The following PLXDC2 variants were observed in gnomAD, a reference collection of about 807,000 sequenced individuals.
PLXDC2 encodes plexin domain containing 2.
In PLXDC2, 40 loss-of-function variants were observed where a neutral mutation model predicts 68.9. That is an observed-to-expected ratio of 0.58 (90% CI 0.45 to 0.76). The LOEUF (loss-of-function observed/expected upper bound fraction) is 0.76, where lower values mean the gene tolerates loss of function less well. PLXDC2 is among the 30% of genes least tolerant of loss of function. The pLI, the probability that PLXDC2 is intolerant of heterozygous loss-of-function variation, is 0.00. For synonymous variants in PLXDC2, 243 were observed against 234.2 expected, an observed-to-expected ratio of 1.04 and a Z score of -0.34; for missense variants, 644 against 661.9, an observed-to-expected ratio of 0.97 and a Z score of 0.30.
intron 1 of PLXDC2, among the ~76,000 whole-genome samples, chr10:19,983,712 A>T (rs186096509): frequency 1.3e-5 from 2 of 152,240 alleles, no homozygotes; most frequent in East Asian, 3.9e-4. Context: ...GGTCCCTCCT[A>T]TAACCTTGCT....
rs892217947 is a variant in PLXDC2, at chr10:19,817,006, G to C, written c.-74G>C. The C allele has an allele frequency of 6.2e-6, 7 of 1,120,200 alleles. No individual in the cohort carries two copies. The African/African-American group carries it at 1.1e-4, about 17-fold the overall frequency. The allele number at this position is 1,120,200 out of a possible 1,614,324, so 69.4% of individuals were successfully genotyped here. On this transcript the variant is annotated 5_prime_UTR_variant, in exon 1 of 14. Coordinates refer to ENST00000377252, the MANE Select transcript of PLXDC2 (RefSeq NM_032812.9). Reference sequence around the variant, plus strand: ...CCGATCCGCAGCGTTTGGCCCGGTCGTGCCTATTGCATCGGGAGCCCCCGA... The same window carrying C: ...CCGATCCGCAGCGTTTGGCCCGGTCCTGCCTATTGCATCGGGAGCCCCCGA...
intron 2 of PLXDC2, among the ~76,000 whole-genome samples, chr10:20,028,341 G>A (rs1054709818): frequency 1.1e-4 from 17 of 152,212 alleles, no homozygotes; most frequent in African/African-American, 3.9e-4. Flanking sequence ...TTGTTAGGTC[G>A]TGGTGTGTCC....
chr10:20,044,211 G>GTCTGTCTTTCTT (rs1486556031), intron 2 of PLXDC2, among the ~76,000 whole-genome samples: 3 of 68,594 alleles, frequency 4.4e-5, no homozygotes, highest in African/African-American at 1.0e-4. Flanking sequence ...CTCTCTCTCT[G>GTCTGTCTTTCTT]TCTTTCTTTC....
intron 1 of PLXDC2, among the ~76,000 whole-genome samples, chr10:19,971,290 G>A (rs1386978315): frequency 1.3e-5 from 2 of 152,100 alleles, no homozygotes; most frequent in Non-Finnish European, 2.9e-5. Flanking sequence ...ATAACATGAC[G>A]AGTGAGTTAT....
chr10:19,935,408 C>A (rs1833706504), intron 1 of PLXDC2, among the ~76,000 whole-genome samples: 1 of 152,150 alleles, frequency 6.6e-6, no homozygotes, highest in Non-Finnish European at 1.5e-5. Context: ...CATGGAAGAA[C>A]CCAAGGATGC....
intron 2 of PLXDC2, among the ~76,000 whole-genome samples, chr10:20,031,724 T>C (rs1835503840): frequency 6.6e-6 from 1 of 152,180 alleles, no homozygotes; most frequent in Non-Finnish European, 1.5e-5. Flanking sequence ...TCAACAACCG[T>C]GTGTGGAATA....
intron 1 of PLXDC2, among the ~76,000 whole-genome samples, chr10:19,872,160 C>G (rs896483303): frequency 6.6e-6 from 1 of 152,074 alleles, no homozygotes; most frequent in Non-Finnish European, 1.5e-5. Flanking sequence ...TTTCAGGGAC[C>G]ATTAGCCATG....
At chr10:19,840,737 C>T (rs534999525) in intron 1 of PLXDC2, among the ~76,000 whole-genome samples, 1 of 152,102 alleles carries the variant, frequency 6.6e-6, no homozygotes, top group Non-Finnish European at 1.5e-5. Flanking sequence ...ACTGGCCTAT[C>T]CTCATTATTG....
At chr10:20,156,417 G>A (rs528795149) in intron 6 of PLXDC2, among the ~76,000 whole-genome samples, 29 of 152,200 alleles carry the variant, frequency 1.9e-4, no homozygotes, top group Non-Finnish European at 2.6e-4. Context: ...ATAGATGTGC[G>A]TTTTTTCCTT....
At chr10:20,255,763 A>G (rs1162038623) in intron 13 of PLXDC2, among the ~76,000 whole-genome samples, 1 of 152,078 alleles carries the variant, frequency 6.6e-6, no homozygotes. Context: ...ATGAATGTAA[A>G]GAATGTATTA....
intron 1 of PLXDC2, among the ~76,000 whole-genome samples, chr10:19,976,694 AACTT>A (rs1245091065): frequency 1.3e-5 from 2 of 152,050 alleles, no homozygotes; most frequent in Non-Finnish European, 2.9e-5. Flanking sequence ...ATTGCTGGGA[AACTT>A]ACTTGGATTA....
chr10:20,147,691 GC>G lies in PLXDC2; in HGVS notation c.665-91del, dbSNP rs2131797530. ...AATAGTACAACTACCAGATTTGAAG[GC>G]CAGATGCAAAAACATTTTTGTGAAA... On this transcript the variant is annotated intron_variant, in intron 5 of 13. Transcript: ENST00000377252. The G allele has an allele frequency of 7.1e-6, 5 of 704,712 alleles. No individual in the cohort carries two copies. In the East Asian group the frequency reaches 1.3e-4, roughly 18 times the overall value. The allele number at this position is 704,712 out of a possible 1,614,324, so 43.7% of individuals were successfully genotyped here. A position where few individuals can be genotyped will look rare whatever the true frequency, so the allele number is the denominator to read the frequency against.
At chr10:19,838,299 TA>T (rs1836837936) in intron 1 of PLXDC2, among the ~76,000 whole-genome samples, 1 of 152,190 alleles carries the variant, frequency 6.6e-6, no homozygotes, top group Non-Finnish European at 1.5e-5. Flanking sequence ...TTCCAGTTTC[TA>T]AATATTCACT....
At chr10:19,986,547 ACAAAG>A (rs576743566) in intron 1 of PLXDC2, among the ~76,000 whole-genome samples, 11 of 117,930 alleles carry the variant, frequency 9.3e-5, no homozygotes, top group Non-Finnish European at 2.0e-4. Flanking sequence ...TAAAAAAAAA[ACAAAG>A]AAAAAGAAAA....
intron 4 of PLXDC2, among the ~76,000 whole-genome samples, chr10:20,140,639 C>T (rs1833992781): frequency 6.6e-6 from 1 of 151,954 alleles, no homozygotes; most frequent in Non-Finnish European, 1.5e-5. Context: ...TTAACCACTA[C>T]TGAAGTGATA....
chr10:20,037,066 TA>T (rs1401590851), intron 2 of PLXDC2, among the ~76,000 whole-genome samples: 1 of 152,174 alleles, frequency 6.6e-6, no homozygotes, highest in African/African-American at 2.4e-5. Flanking sequence ...CTTAGAAGCT[TA>T]GTTAAAAGGC....
intron 12 of PLXDC2, among the ~76,000 whole-genome samples, chr10:20,235,362 T>C (rs1835419473): frequency 6.6e-6 from 1 of 152,204 alleles, no homozygotes; most frequent in African/African-American, 2.4e-5. Context: ...TTAATAATAG[T>C]ATTAACAATA....
chr10:20,113,412 C>T (rs989513966), intron 4 of PLXDC2, among the ~76,000 whole-genome samples: 13 of 152,152 alleles, frequency 8.5e-5, no homozygotes, highest in African/African-American at 2.7e-4. Flanking sequence ...CCTTCCTCAG[C>T]CCTTTCGCCC....
chr10:19,981,619 G>T (rs1834551248), intron 1 of PLXDC2, among the ~76,000 whole-genome samples: 1 of 152,070 alleles, frequency 6.6e-6, no homozygotes, highest in Non-Finnish European at 1.5e-5. Context: ...CAAAATGATG[G>T]GTCAAGATGG....
Sources: gnomAD v4.1 joint callset for allele counts (sites outside exome capture counted in the v4.1 genomes callset) on GRCh38, gnomAD v4.1.1 for gene constraint, MANE v1.5 for transcripts, NCBI Gene and HGNC (gene_info 2026-07-23, HGNC 2026-07-21) for gene names.